The following COL6A3 variants were observed in gnomAD, a reference collection of about 807,000 sequenced individuals.
COL6A3 encodes the protein collagen alpha-3(VI) chain.
In COL6A3, 137 loss-of-function variants were observed where a neutral mutation model predicts 274.1. The observed-to-expected ratio is 0.50, with a 90% CI of 0.44 to 0.58. The LOEUF (loss-of-function observed/expected upper bound fraction) is 0.58. Among genes scored for constraint, COL6A3 ranks in the 20% least tolerant of loss-of-function variants. The pLI, the probability that COL6A3 is intolerant of heterozygous loss-of-function variation, is 0.00. For missense variants in COL6A3, 3,950 were observed against 4,124.9 expected (o/e 0.96, Z 1.16); for synonymous variants, 1,650 against 1,650.6 (o/e 1.00, Z 0.01).
At position 237,364,286 on chromosome 2, in the gene COL6A3, G is replaced by A; in HGVS notation, c.5917+64C>T. On this transcript the variant is annotated intron_variant, in intron 13 of 43. Transcript: ENST00000295550. This position sits in a 1 kb window ranked among gnomAD's most constrained non-coding sequence, Gnocchi z 4.6. ...GCATTAGCAGAGAGGTTTCTCTCCAGCAGAGCAGTACACCCCGCCTCACCA... is the reference window on the plus strand; with the variant it reads ...GCATTAGCAGAGAGGTTTCTCTCCAACAGAGCAGTACACCCCGCCTCACCA... The A allele has an allele frequency of 7.8e-7, 1 of 1,283,250 alleles. No individual in the cohort carries two copies. The highest frequency in any genetic ancestry group is 1.1e-6 in the Non-Finnish European group (1 of 883,070). The allele number at this position is 1,283,250 out of a possible 1,614,324, so 79.5% of individuals were successfully genotyped here. A position where few individuals can be genotyped will look rare whatever the true frequency, so the allele number is the denominator to read the frequency against.
chr2:237,344,450 G>A lies in COL6A3; in HGVS notation c.7568C>T (p.Ser2523Phe). The A allele has an allele frequency of 1.2e-6, 2 of 1,614,206 alleles. No homozygotes were observed. The highest frequency in any genetic ancestry group is 1.7e-6 in the Non-Finnish European group (2 of 1,180,030). ...GAGCACAGCCTCTCTGAGCTGTGGG[G>A]ATGCTCTTGTGGGTGTGTTGCTGAA... ...VFFSNTPTRA[S>F]PQLREAVLKL... The change falls in exon 36 of 44, where the codon TCC becomes TTC. Residue 2523 changes from serine (S) to phenylalanine (F), a missense_variant. Coordinates refer to ENST00000295550, the MANE Select transcript of COL6A3 (RefSeq NM_004369.4). This position sits in a 1 kb window ranked among gnomAD's most constrained non-coding sequence, Gnocchi z 4.8.
At chr2:237,409,533 TTTTG>T (rs57264738) in intron 1 of COL6A3, among the ~76,000 whole-genome samples, 42 of 152,016 alleles carry the variant, frequency 2.8e-4, no homozygotes, top group African/African-American at 6.0e-4. Flanking sequence ...TTTTTGTTTT[TTTTG>T]TTTGTTTGTT....
At chr2:237,336,657 G>C in intron 39 of COL6A3, 125 bp from the exon 40 acceptor site, 2 of 897,392 alleles carry the variant, frequency 2.2e-6, no homozygotes, top group South Asian at 3.3e-5. Flanking sequence ...TATAGATTAT[G>C]TATAGCAGTG....
Position 237,371,958 on chromosome 2 carries a change from G to T in COL6A3, c.4059C>A (p.Asp1353Glu). Reference sequence around the variant, plus strand: ...ACTGCTTGAGCTCCACCGCCGGGTCGTCCACCTCATCGTCAGACTTTCCAG... The same window carrying T: ...ACTGCTTGAGCTCCACCGCCGGGTCTTCCACCTCATCGTCAGACTTTCCAG... Reference protein sequence around the residue: ...ISSGKSDDEVDDPAVELKQFG... With the variant: ...ISSGKSDDEVEDPAVELKQFG... The change falls in exon 9 of 44, where the codon GAC (aspartate) becomes GAA (glutamate). Residue 1353 changes from aspartate to glutamate, a missense_variant. Around this residue, in one of 5 missense-constraint regions of COL6A3, gnomAD observed 1,934 missense variants for 1,984.3 expected, o/e 0.97. Coordinates refer to ENST00000295550, the MANE Select transcript of COL6A3 (RefSeq NM_004369.4). The surrounding 1 kb of genome is among the most constrained non-coding windows in gnomAD (Gnocchi z 4.3). 6.2e-7 allele frequency: 1 copy of T among 1,614,072 alleles called. No homozygotes were observed. Among genetic ancestry groups the T allele is most frequent in the African/African-American group, 1.3e-5 (1 of 75,050 alleles).
At chr2:237,393,199 C>T (rs993590344) in intron 3 of COL6A3, among the ~76,000 whole-genome samples, 38 of 152,166 alleles carry the variant, frequency 2.5e-4, no homozygotes, top group Admixed American at 2.2e-3. Context: ...CTCCTTTGAT[C>T]CTGGGAGTGC....
At chr2:237,403,739 C>T (rs183766687) in intron 1 of COL6A3, among the ~76,000 whole-genome samples, 13 of 152,122 alleles carry the variant, frequency 8.5e-5, no homozygotes, top group East Asian at 1.9e-4. Flanking sequence ...AGCTTTAGCC[C>T]GGTCGCAGCA....
chr2:237,352,251 A>G (rs1406850601), intron 26 of COL6A3, among the ~76,000 whole-genome samples: 2 of 152,204 alleles, frequency 1.3e-5, no homozygotes, highest in East Asian at 3.8e-4. Context: ...ATCCTGAGGC[A>G]TATCCCCTGA....
intron 4 of COL6A3, among the ~76,000 whole-genome samples, chr2:237,384,271 T>C (rs917943856): frequency 4.6e-5 from 7 of 152,074 alleles, no homozygotes; most frequent in African/African-American, 1.7e-4. Context: ...CGCATTTCCT[T>C]CCACTTGACA....
At chr2:237,327,325 C>A in intron 42 of COL6A3, 1 of 152,488 alleles carries the variant, frequency 6.6e-6, no homozygotes. Context: ...CACTTCAGTC[C>A]TGACCATCTG....
intron 41 of COL6A3, 86 bp downstream of exon 41, chr2:237,334,540 G>C (rs1294871036): frequency 7.0e-7 from 1 of 1,427,748 alleles, no homozygotes; most frequent in Non-Finnish European, 9.8e-7. Context: ...TTTCAGAATA[G>C]ATTCAATAAG....
Position 237,367,008 on chromosome 2 carries a change from G to A in COL6A3, c.5179C>T (p.Arg1727Trp), listed in dbSNP as rs143074017. The part of the protein sequence containing the change: ...ANTKVGLEHL[R>W]VNHFVPEAGS... The stretch of plus-strand genomic sequence containing the variant: ...GCCTCAGGCACAAAGTGGTTTACCC[G>A]CAGGTGCTCAAGGCCCACCTTAGTG... Residue 1727 changes from arginine to tryptophan, a missense_variant, in exon 11 of 44, where the codon CGG becomes TGG. Physicochemically the swap from Arg to Trp is moderately radical, Grantham distance 101 (BLOSUM62 -3). Transcript: ENST00000295550. The A allele has an allele frequency of 1.2e-4, 190 of 1,614,218 alleles. No homozygotes were observed. Among genetic ancestry groups the A allele is most frequent in the Middle Eastern group, 6.6e-4 (4 of 6,062 alleles).
chr2:237,350,790 C>T (rs975650424), intron 27 of COL6A3, among the ~76,000 whole-genome samples: 3 of 152,180 alleles, frequency 2.0e-5, no homozygotes, highest in Non-Finnish European at 2.9e-5. Context: ...CTGTACCAAG[C>T]ACTGCCCGGC....
intron 1 of COL6A3, among the ~76,000 whole-genome samples, chr2:237,402,303 T>G (rs1214789097): frequency 6.6e-6 from 1 of 152,168 alleles, no homozygotes; most frequent in Non-Finnish European, 1.5e-5. Flanking sequence ...AGATATTTGT[T>G]GTAGCACAAG....
intron 26 of COL6A3, among the ~76,000 whole-genome samples, chr2:237,351,995 C>T (rs1434684390): frequency 2.0e-5 from 3 of 152,194 alleles, no homozygotes; most frequent in Non-Finnish European, 2.9e-5. Flanking sequence ...TACGTAATTC[C>T]GTGACACCTG....
At position 237,361,039 on chromosome 2, in the gene COL6A3, T is replaced by C. The variant is rs914977765; in HGVS notation, c.6210+82A>G. The C allele has an allele frequency of 8.5e-7, 1 of 1,170,370 alleles. No individual in the cohort carries two copies. Among genetic ancestry groups the C allele is most frequent in the South Asian group, 1.2e-5 (1 of 81,866 alleles). The allele number at this position is 1,170,370 out of a possible 1,614,324, so 72.5% of individuals were successfully genotyped here. ...GGAAAGCCATCAGCAACTGAACAAATGATGAAATCCACAATGCAATCCCAA... is the reference window on the plus strand; with the variant it reads ...GGAAAGCCATCAGCAACTGAACAAACGATGAAATCCACAATGCAATCCCAA... On this transcript the variant is annotated intron_variant, in intron 16 of 43. Coordinates refer to ENST00000295550, the MANE Select transcript of COL6A3 (RefSeq NM_004369.4). This position sits in a 1 kb window ranked among gnomAD's most constrained non-coding sequence, Gnocchi z 5.1.
rs757771829 is a variant in COL6A3, at chr2:237,381,142, G to T, written c.1670C>A (p.Thr557Lys). The stretch of plus-strand genomic sequence containing the variant: ...GATTTCATCTAGGGACTTACCACCT[G>T]TGATCAGCACCAAAAGCTTAGGAAT... ...EGIPKLLVLI[T>K]GGKSLDEISQ... Residue 557 changes from threonine to lysine, a missense_variant, in exon 5 of 44, where the codon ACA becomes AAA. Transcript: ENST00000295550. The T allele has an allele frequency of 3.1e-6, 5 of 1,614,140 alleles. No homozygotes were observed.
In COL6A3 at chr2:237,359,307, A is replaced by G. The variant is rs1288579663; in HGVS notation, c.6309+55T>C. On this transcript the variant is annotated intron_variant, in intron 18 of 43. Transcript: ENST00000295550. ...AGAAAGCTATTCTGGCAAAGGAAGA[A>G]ATGAGAAATACTGGGAGAGTTTTCC... 6.2e-6 allele frequency: 10 copies of G among 1,614,042 alleles called. No individual in the cohort carries two copies. In the Admixed American group the frequency reaches 1.5e-4, roughly 24 times the overall value.
In COL6A3 at chr2:237,381,066, A is replaced by T; in HGVS notation, c.1746T>A (p.Ile582=). Residue 582 remains isoleucine (I), a synonymous_variant, in exon 5 of 44, where the codon ATT becomes ATA. Coordinates refer to ENST00000295550, the MANE Select transcript of COL6A3 (RefSeq NM_004369.4). ...CAGCCTGATCGGCACCCTTGTTCCC[A>T]ATGGCAAAGGCCATTATGCTGCTTC... is the stretch of plus-strand genomic sequence containing the variant. ...LKRSSIMAFA[I]GNKGADQAEL... is the part of the protein sequence containing the mutation. 6.2e-7 allele frequency: 1 copy of T among 1,614,204 alleles called. No homozygotes were observed.
chr2:237,366,803 G>T lies in COL6A3; in HGVS notation c.5384C>A (p.Thr1795Lys). The T allele has an allele frequency of 1.2e-6, 2 of 1,614,268 alleles. No homozygotes were observed. The highest frequency in any genetic ancestry group is 1.7e-6 in the Non-Finnish European group (2 of 1,180,058). ...CTGGACGTTGCCCACGCGGAACGCT[G>T]TGGCGCTGTTGGACGCTATCTTTCC... ...EVGKIASNSATAFRVGNVQEL... is the reference protein window; with the variant it reads ...EVGKIASNSAKAFRVGNVQEL... The change falls in exon 11 of 44, where the codon ACA becomes AAA. Residue 1795 changes from threonine (T) to lysine (K), a missense_variant. This residue lies in a region of COL6A3 where 632 missense variants were observed against 623.4 expected (regional missense o/e 1.01). Transcript: ENST00000295550.
Sources: gnomAD v4.1 joint callset for allele counts (sites outside exome capture counted in the v4.1 genomes callset) on GRCh38, gnomAD v4.1.1 for gene constraint, gnomAD v4.1.1 regional missense constraint, Gnocchi (gnomAD v3.1) non-coding constraint, MANE v1.5 for transcripts, NCBI Gene and HGNC (gene_info 2026-07-23, HGNC 2026-07-21) for gene names.